Variants in IL1RAP observed in about 807,000 individuals in gnomAD.
IL1RAP encodes the protein interleukin 1 receptor accessory protein.
IL1RAP carries 35 observed loss-of-function variants against 60.7 expected under a neutral mutation model. The observed-to-expected ratio is 0.58, with a 90% CI of 0.44 to 0.76. IL1RAP has a LOEUF of 0.76. Among genes scored for constraint, IL1RAP ranks in the 30% least tolerant of loss-of-function variants. IL1RAP has a pLI of 0.00. For missense variants in IL1RAP, 572 were observed against 693.9 expected (o/e 0.82, Z 1.97); for synonymous variants, 268 against 250.9 (o/e 1.07, Z -0.64).
intron 1 of IL1RAP, among the ~76,000 whole-genome samples, chr3:190,542,741 GA>G (rs1159866102): frequency 1.3e-5 from 2 of 152,072 alleles, no homozygotes; most frequent in African/African-American, 4.8e-5. Flanking sequence ...GTAGTGATTT[GA>G]AAGGGCTCAA....
intron 3 of IL1RAP, among the ~76,000 whole-genome samples, chr3:190,574,072 C>T (rs1727237155): frequency 6.6e-6 from 1 of 152,066 alleles, no homozygotes; most frequent in Non-Finnish European, 1.5e-5. Context: ...TAAAATACAC[C>T]ATGCTGCCAC....
chr3:190,587,125 A>G (rs939800784), intron 3 of IL1RAP, among the ~76,000 whole-genome samples: 1 of 152,228 alleles, frequency 6.6e-6, no homozygotes, highest in Admixed American at 6.5e-5. Context: ...GGACAGGGTT[A>G]CAGATCATCT....
At chr3:190,516,034 T>A (rs923253500) in intron 1 of IL1RAP, among the ~76,000 whole-genome samples, 9 of 152,226 alleles carry the variant, frequency 5.9e-5, no homozygotes, top group African/African-American at 2.2e-4. Flanking sequence ...TTTATTCTGA[T>A]GAACTTCATG....
intron 1 of IL1RAP, among the ~76,000 whole-genome samples, chr3:190,524,200 T>A (rs1722317805): frequency 6.6e-6 from 1 of 152,136 alleles, no homozygotes; most frequent in Non-Finnish European, 1.5e-5. Flanking sequence ...TTTTTCTAAA[T>A]AGGTTGTTTT....
At chr3:190,593,256 G>A in intron 3 of IL1RAP, among the ~76,000 whole-genome samples, 1 of 152,038 alleles carries the variant, frequency 6.6e-6, no homozygotes. Flanking sequence ...GCCCAGTGAT[G>A]AACACGGGTT....
At chr3:190,653,256 T>A (rs1003727934), downstream of IL1RAP, among the ~76,000 whole-genome samples, 6 of 152,216 alleles carry the variant, frequency 3.9e-5, no homozygotes, top group Non-Finnish European at 8.8e-5. Context: ...TCACTAGACG[T>A]TGAGCAACAG....
intron 3 of IL1RAP, among the ~76,000 whole-genome samples, chr3:190,566,646 C>T (rs1726429727): frequency 6.6e-6 from 1 of 152,174 alleles, no homozygotes; most frequent in African/African-American, 2.4e-5. Context: ...TTGTAATCCC[C>T]TCAGCCCATC....
chr3:190,592,617 T>C (rs1729039563), intron 3 of IL1RAP, among the ~76,000 whole-genome samples: 1 of 152,172 alleles, frequency 6.6e-6, no homozygotes, highest in East Asian at 1.9e-4. Flanking sequence ...GTGACGCTTG[T>C]ATTTACAAAC....
intron 3 of IL1RAP, among the ~76,000 whole-genome samples, chr3:190,598,012 A>G (rs1416173818): frequency 1.3e-5 from 2 of 152,132 alleles, no homozygotes; most frequent in East Asian, 3.9e-4. Flanking sequence ...TTTCTCTCCA[A>G]TTTACCAATG....
chr3:190,546,451 A>G (rs575038110), intron 1 of IL1RAP, among the ~76,000 whole-genome samples: 1 of 152,286 alleles, frequency 6.6e-6, no homozygotes, highest in South Asian at 2.1e-4. Flanking sequence ...TTCCTTCCCC[A>G]CAGCATGCTG....
chr3:190,604,382 A>T lies in IL1RAP; in HGVS notation c.319A>T (p.Asn107Tyr). The change falls in exon 4 of 12, where the codon AAT becomes TAT. Residue 107 changes from asparagine to tyrosine, a missense_variant. Coordinates refer to ENST00000447382, the MANE Select transcript of IL1RAP (RefSeq NM_002182.4). Reference sequence around the variant, plus strand: ...GCTGTGGTTCCGGCCCACTCTCCTCAATGACACTGGCAACTATACCTGCAT... The same window carrying T: ...GCTGTGGTTCCGGCCCACTCTCCTCTATGACACTGGCAACTATACCTGCAT... The part of the protein sequence containing the change: ...DVLWFRPTLL[N>Y]DTGNYTCMLR... 6.2e-7 allele frequency: 1 copy of T among 1,613,370 alleles called. No homozygotes were observed. Among genetic ancestry groups the T allele is most frequent in the Non-Finnish European group, 8.5e-7 (1 of 1,179,930 alleles).
chr3:190,534,913 TAA>T (rs77663032), intron 1 of IL1RAP, among the ~76,000 whole-genome samples: 7 of 127,488 alleles, frequency 5.5e-5, no homozygotes, highest in Non-Finnish European at 6.7e-5. Context: ...GTAAGAGAAT[TAA>T]AAAAAAAAAA....
chr3:190,534,867 A>T (rs1339446369), intron 1 of IL1RAP, among the ~76,000 whole-genome samples: 1 of 150,112 alleles, frequency 6.7e-6, no homozygotes, highest in Admixed American at 6.6e-5. Context: ...GGTCCTGTCT[A>T]ATTTTCTAGA....
intron 9 of IL1RAP, among the ~76,000 whole-genome samples, chr3:190,631,021 A>G (rs724608): frequency 0.89 from 135,319 of 152,162 alleles, 60,418 homozygotes; most frequent in East Asian, 0.99. Flanking sequence ...GGCTTTTATC[A>G]TCAAATAAGT....
chr3:190,554,761 G>GTGTCTC (rs2108601101), intron 1 of IL1RAP: 1 of 149,284 alleles, frequency 6.7e-6, no homozygotes, highest in East Asian at 1.9e-4. Flanking sequence ...GTGTGTGTGT[G>GTGTCTC]TGTCTCTAAC....
chr3:190,602,497 T>C (rs1041136127), intron 3 of IL1RAP, among the ~76,000 whole-genome samples: 1 of 152,054 alleles, frequency 6.6e-6, no homozygotes, highest in Non-Finnish European at 1.5e-5. Context: ...TGATGAAAAA[T>C]AAAGCATAAA....
intron 6 of IL1RAP, among the ~76,000 whole-genome samples, chr3:190,620,857 A>G (rs2108794553): frequency 6.6e-6 from 1 of 152,344 alleles, no homozygotes; most frequent in Non-Finnish European, 1.5e-5. Flanking sequence ...ACTCAGTGCA[A>G]CACTTTTGTC....
At chr3:190,645,435 T>C (rs980468554) in intron 10 of IL1RAP, among the ~76,000 whole-genome samples, 3 of 152,234 alleles carry the variant, frequency 2.0e-5, no homozygotes, top group Non-Finnish European at 1.5e-5. Context: ...TCTGGCTTTG[T>C]TAATTTACAG....
intron 3 of IL1RAP, among the ~76,000 whole-genome samples, chr3:190,600,263 G>A (rs924875507): frequency 1.3e-5 from 2 of 152,108 alleles, no homozygotes; most frequent in Non-Finnish European, 2.9e-5. Context: ...GATTTTCCAC[G>A]GAAGATTCTT....
Sources: allele counts gnomAD v4.1 joint callset (sites outside exome capture counted in the v4.1 genomes callset), GRCh38; gene constraint gnomAD v4.1.1; transcripts MANE v1.5; gene names NCBI Gene and HGNC (gene_info 2026-07-23, HGNC 2026-07-21).